GRIP1: variants seen among roughly 807,000 people sequenced by gnomAD.
The protein encoded by GRIP1 is glutamate receptor-interacting protein 1.
In GRIP1, 45 loss-of-function variants were observed where a neutral mutation model predicts 129.9. The ratio of observed to expected loss-of-function variants is 0.35; its 90% CI spans 0.27 to 0.44. GRIP1 has a LOEUF of 0.44. Among genes scored for constraint, GRIP1 ranks in the 20% least tolerant of loss-of-function variants. The probability of loss-of-function intolerance (pLI) is 1.00; values close to 1 mark genes in which losing one functional copy is unlikely to be tolerated. For missense variants in GRIP1, 1,196 were observed against 1,396.8 expected, an observed-to-expected ratio of 0.86 and a Z score of 2.29; for synonymous variants, 530 against 520.8, an observed-to-expected ratio of 1.02 and a Z score of -0.24.
intron 1 of GRIP1, among the ~76,000 whole-genome samples, chr12:66,696,133 CA>C (rs1043117245): frequency 7.2e-5 from 11 of 152,098 alleles, no homozygotes; most frequent in African/African-American, 2.7e-4. Flanking sequence ...CTCAAAACCC[CA>C]TTTTTTTTTT....
In GRIP1 at chr12:66,990,750, T is replaced by C. The variant is rs531448447; in HGVS notation, c.58+78300A>G. 2.6e-5 allele frequency among the ~76,000 whole-genome samples: 4 copies of C among 152,234 alleles called. No homozygotes were observed. In the South Asian group the frequency reaches 6.2e-4, roughly 24 times the overall value. The stretch of plus-strand genomic sequence containing the variant: ...TGGCTCAGGCCTGTAATCCCAGCAC[T>C]TTAGGAGGCTGAGGTGAGTGGATGA... On this transcript the variant is annotated intron_variant, in intron 1 of 1. Coordinates refer to the GRIP1 transcript ENST00000643019.
intron 1 of GRIP1, among the ~76,000 whole-genome samples, chr12:66,962,946 G>A (rs956770492): frequency 3.9e-5 from 6 of 152,088 alleles, no homozygotes; most frequent in Non-Finnish European, 8.8e-5. Context: ...AGAGATCCAT[G>A]GTTGATCTAG....
At chr12:66,963,628 C>G (rs1431002133) in intron 1 of GRIP1, among the ~76,000 whole-genome samples, 1 of 152,122 alleles carries the variant, frequency 6.6e-6, no homozygotes, top group East Asian at 1.9e-4. Flanking sequence ...GTGCAGTAAA[C>G]TTTTCACTGC....
At chr12:66,541,287 C>T (rs2061772857) in intron 3 of GRIP1, among the ~76,000 whole-genome samples, 1 of 152,182 alleles carries the variant, frequency 6.6e-6, no homozygotes, top group Admixed American at 6.5e-5. Flanking sequence ...TCCTCTAAGC[C>T]TTCTGTCCTT....
chr12:66,583,576 C>A (rs930495930), intron 2 of GRIP1, among the ~76,000 whole-genome samples: 3 of 137,076 alleles, frequency 2.2e-5, no homozygotes, highest in African/African-American at 8.1e-5. Flanking sequence ...AAACAAACAA[C>A]CCCATCAAAA....
chr12:66,752,091 C>A (rs1471936762), intron 1 of GRIP1, among the ~76,000 whole-genome samples: 1 of 152,022 alleles, frequency 6.6e-6, no homozygotes, highest in East Asian at 1.9e-4. Flanking sequence ...CATGAAAATG[C>A]TTCTTGTAGA....
At chr12:66,392,533 A>G in intron 18 of GRIP1, 31 bp from the exon 19 acceptor site, 1 of 1,603,364 alleles carries the variant, frequency 6.2e-7, no homozygotes, top group Non-Finnish European at 8.5e-7. Flanking sequence ...TTTAAGTATC[A>G]GAGTAAATTT....
At chr12:66,360,454 C>T (rs577763800) in intron 23 of GRIP1, among the ~76,000 whole-genome samples, 5 of 152,190 alleles carry the variant, frequency 3.3e-5, no homozygotes, top group South Asian at 2.1e-4. Context: ...AGGATGCCCC[C>T]GGAGAACCTG....
At chr12:66,634,017 C>G (rs2031108505) in intron 1 of GRIP1, among the ~76,000 whole-genome samples, 1 of 152,210 alleles carries the variant, frequency 6.6e-6, no homozygotes, top group African/African-American at 2.4e-5. Context: ...TTATGTTCGA[C>G]TTCAAGAATG....
intron 1 of GRIP1, among the ~76,000 whole-genome samples, chr12:67,010,702 C>A (rs576766985): frequency 6.6e-6 from 1 of 152,230 alleles, no homozygotes; most frequent in South Asian, 2.1e-4. Flanking sequence ...GTAGCTAACC[C>A]AAGAGCTGTC....
chr12:67,040,434 A>G (rs1293019228), intron 1 of GRIP1, among the ~76,000 whole-genome samples: 1 of 152,244 alleles, frequency 6.6e-6, no homozygotes, highest in Non-Finnish European at 1.5e-5. Flanking sequence ...CCACAAAGAC[A>G]TAAATCCCTA....
At chr12:66,929,332 G>A (rs2041348978) in intron 1 of GRIP1, among the ~76,000 whole-genome samples, 1 of 152,024 alleles carries the variant, frequency 6.6e-6, no homozygotes, top group African/African-American at 2.4e-5. Flanking sequence ...ACCTAACTGG[G>A]GAATCCCCCA....
intron 1 of GRIP1, among the ~76,000 whole-genome samples, chr12:66,848,262 C>T (rs1213196296): frequency 1.3e-5 from 2 of 151,998 alleles, no homozygotes; most frequent in Non-Finnish European, 2.9e-5. Context: ...CTCCCTCTCT[C>T]TTTCCACTCC....
chr12:66,445,437 T>C lies in GRIP1; in HGVS notation c.1426A>G (p.Thr476Ala), dbSNP rs1259197486. The change falls in exon 12 of 25, where the codon ACG becomes GCG. Residue 476 changes from threonine (T) to alanine (A), a missense_variant. Thr to Ala is a moderately conservative substitution (Grantham distance 58). Transcript: ENST00000359742. ...CCAAATCCTGTGACAGGATCTGCCG[T>C]CAGCACAACCTCTGTGGTTTCTGTG... ...VHTETTEVVLTADPVTGFGIQ... is the reference protein window; with the variant it reads ...VHTETTEVVLAADPVTGFGIQ... 3 of 1,614,130 alleles carry C rather than the reference T, an allele frequency of 1.9e-6. No homozygotes were observed. Among genetic ancestry groups the C allele is most frequent in the East Asian group, 2.2e-5 (1 of 44,888 alleles).
intron 23 of GRIP1, among the ~76,000 whole-genome samples, chr12:66,354,528 C>T (rs937330480): frequency 1.3e-5 from 2 of 152,166 alleles, no homozygotes; most frequent in African/African-American, 4.8e-5. Flanking sequence ...GCGCTTGATG[C>T]TCAGTTAACG....
intron 1 of GRIP1, among the ~76,000 whole-genome samples, chr12:66,952,958 A>G (rs1213709381): frequency 6.6e-6 from 1 of 152,248 alleles, no homozygotes; most frequent in African/African-American, 2.4e-5. Flanking sequence ...AAAATATGCT[A>G]TATAGCTTGA....
chr12:66,419,052 C>T (rs10748044), intron 15 of GRIP1, among the ~76,000 whole-genome samples: 141,403 of 152,194 alleles, frequency 0.93, 66,344 homozygotes, highest in Non-Finnish European at 1. Context: ...TAAGTGTCCA[C>T]TGAGAGATAA....
intron 15 of GRIP1, 123 bp from the exon 16 acceptor site, chr12:66,406,551 T>G: frequency 2.1e-6 from 2 of 961,126 alleles, no homozygotes; most frequent in Non-Finnish European, 3.4e-6. Context: ...CAACTGTTTT[T>G]AAATTGTACT....
intron 1 of GRIP1, among the ~76,000 whole-genome samples, chr12:66,998,765 G>T (rs1297747405): frequency 1.3e-5 from 2 of 152,028 alleles, no homozygotes; most frequent in African/African-American, 2.4e-5. Flanking sequence ...AACCTTTTTA[G>T]CTGCCCTGGC....
Sources: gnomAD v4.1 joint callset for allele counts (sites outside exome capture counted in the v4.1 genomes callset) on GRCh38, gnomAD v4.1.1 for gene constraint, MANE v1.5 for transcripts, NCBI Gene and HGNC (gene_info 2026-07-23, HGNC 2026-07-21) for gene names.